Variants in IGF2BP2 observed in about 807,000 individuals in gnomAD.
The protein encoded by IGF2BP2 is insulin like growth factor 2 mRNA binding protein 2.
IGF2BP2 carries 17 observed loss-of-function variants against 75.8 expected under a neutral mutation model. The ratio of observed to expected loss-of-function variants is 0.22; its 90% confidence interval spans 0.15 to 0.34. The LOEUF (loss-of-function observed/expected upper bound fraction) is 0.34, where lower values mean the gene tolerates loss of function less well. Ranked by LOEUF, IGF2BP2 falls within the 10% of genes least tolerant of loss-of-function variation. The probability of loss-of-function intolerance (pLI) is 1.00; values close to 1 mark genes in which losing one functional copy is unlikely to be tolerated. For synonymous variants in IGF2BP2, 288 were observed against 295.6 expected (o/e 0.97, Z 0.26); for missense variants, 516 against 772.4 (o/e 0.67, Z 3.93).
intron 2 of IGF2BP2, among the ~76,000 whole-genome samples, chr3:185,705,884 G>T (rs1474471978): frequency 6.6e-6 from 1 of 152,132 alleles, no homozygotes; most frequent in Non-Finnish European, 1.5e-5. Flanking sequence ...CACCACCTTG[G>T]GGGTAAGGAT....
chr3:185,687,465 C>A (rs1308984426), intron 6 of IGF2BP2, among the ~76,000 whole-genome samples: 1 of 152,162 alleles, frequency 6.6e-6, no homozygotes, highest in African/African-American at 2.4e-5. Context: ...AGTAATGAAG[C>A]CAGTTTGGTA....
At chr3:185,775,541 G>A (rs553895119) in intron 2 of IGF2BP2, among the ~76,000 whole-genome samples, 2 of 152,322 alleles carry the variant, frequency 1.3e-5, no homozygotes, top group African/African-American at 2.4e-5. Flanking sequence ...TCCAAGGAAG[G>A]AGAATGATCC....
chr3:185,811,617 G>A (rs1045188710), intron 2 of IGF2BP2, among the ~76,000 whole-genome samples: 2 of 152,124 alleles, frequency 1.3e-5, no homozygotes, highest in Non-Finnish European at 2.9e-5. Flanking sequence ...GCAGCAGTTG[G>A]CTGGAGCTAA....
intron 1 of IGF2BP2, among the ~76,000 whole-genome samples, chr3:185,823,530 G>C (rs1047159945): frequency 1.3e-5 from 2 of 152,174 alleles, no homozygotes; most frequent in Non-Finnish European, 2.9e-5. Flanking sequence ...TCAAGCTGCA[G>C]GGCTGGCGCG....
intron 10 of IGF2BP2, among the ~76,000 whole-genome samples, chr3:185,665,025 C>T (rs896756993): frequency 2.0e-5 from 3 of 151,620 alleles, no homozygotes; most frequent in East Asian, 1.9e-4. Context: ...AACAGACAGG[C>T]GTGTTGGTGT....
intron 2 of IGF2BP2, among the ~76,000 whole-genome samples, chr3:185,774,359 G>T (rs1046847571): frequency 6.6e-6 from 1 of 151,968 alleles, no homozygotes; most frequent in African/African-American, 2.4e-5. Flanking sequence ...ACTTTGGGAG[G>T]CCGAGGTGGG....
chr3:185,789,774 C>T (rs1201325549), intron 2 of IGF2BP2, among the ~76,000 whole-genome samples: 1 of 142,908 alleles, frequency 7.0e-6, no homozygotes, highest in African/African-American at 2.6e-5. Flanking sequence ...CACTTTGTCA[C>T]CCAGGCTGTA....
At chr3:185,818,664 G>C (rs960345432) in intron 2 of IGF2BP2, among the ~76,000 whole-genome samples, 1 of 152,126 alleles carries the variant, frequency 6.6e-6, no homozygotes, top group African/African-American at 2.4e-5. Context: ...CTGACCAATT[G>C]CTCATCTACT....
rs2149335695 is a variant in IGF2BP2, at chr3:185,692,764, TA to T, written c.341-3del. The T allele has an allele frequency of 6.2e-7, 1 of 1,613,878 alleles. No individual in the cohort carries two copies. The highest frequency in any genetic ancestry group is 1.1e-5 in the South Asian group (1 of 91,008). ...CGGCGGTTTCTGTGTCTGTGTTGAC[TA>T]GGGAAAAGGCAAAAACTACACTGTC... On this transcript the variant is annotated splice_polypyrimidine_tract_variant and splice_region_variant and intron_variant, in intron 4 of 15. Coordinates refer to ENST00000382199, the MANE Select transcript of IGF2BP2 (RefSeq NM_006548.6).
At chr3:185,785,416 T>TA (rs775451060) in intron 2 of IGF2BP2, among the ~76,000 whole-genome samples, 12,505 of 143,620 alleles carry the variant, frequency 0.087, 618 homozygotes, top group Middle Eastern at 0.18. Context: ...TAACGAGTGT[T>TA]AAAAAAAAAA....
chr3:185,662,010 G>T (rs1196927757), intron 10 of IGF2BP2, among the ~76,000 whole-genome samples: 1 of 152,170 alleles, frequency 6.6e-6, no homozygotes, highest in Admixed American at 6.5e-5. Flanking sequence ...GAATGTGAAT[G>T]AGGGTTAGCA....
chr3:185,710,152 AT>A (rs567527407), intron 2 of IGF2BP2, among the ~76,000 whole-genome samples: 1,675 of 117,528 alleles, frequency 0.014, 8 homozygotes, highest in East Asian at 0.018. Flanking sequence ...GTAGTTTTAG[AT>A]TTTTTTTTTT....
At chr3:185,750,411 C>T (rs1245529569) in intron 2 of IGF2BP2, among the ~76,000 whole-genome samples, 1 of 152,198 alleles carries the variant, frequency 6.6e-6, no homozygotes, top group Non-Finnish European at 1.5e-5. Flanking sequence ...AGCCTAGGAA[C>T]CATCTCGCCT....
intron 2 of IGF2BP2, among the ~76,000 whole-genome samples, chr3:185,762,090 T>G (rs1242621844): frequency 2.0e-5 from 3 of 151,998 alleles, no homozygotes; most frequent in Non-Finnish European, 4.4e-5. Flanking sequence ...TTTTAGCATG[T>G]GAAAAAGAGA....
chr3:185,811,149 G>C (rs989687533), intron 2 of IGF2BP2, among the ~76,000 whole-genome samples: 1 of 151,952 alleles, frequency 6.6e-6, no homozygotes, highest in African/African-American at 2.4e-5. Flanking sequence ...TAAAAATGTA[G>C]GGTACTTTAT....
chr3:185,675,490 AAAAT>A, intron 8 of IGF2BP2, 59 bp from the exon 9 acceptor site: 1 of 1,577,376 alleles, frequency 6.3e-7, no homozygotes, highest in South Asian at 1.2e-5. Flanking sequence ...AAATGCCCAA[AAAAT>A]AAAAAAATCA....
intron 2 of IGF2BP2, among the ~76,000 whole-genome samples, chr3:185,772,539 G>A (rs2149758327): frequency 6.6e-6 from 1 of 150,590 alleles, no homozygotes; most frequent in South Asian, 2.1e-4. Context: ...ATTACAATGG[G>A]ATAATCCCTA....
chr3:185,735,423 G>C (rs1421929980), intron 2 of IGF2BP2, among the ~76,000 whole-genome samples: 1 of 152,196 alleles, frequency 6.6e-6, no homozygotes, highest in South Asian at 2.1e-4. Flanking sequence ...TGGGATTACA[G>C]GCATGAGCCA....
intron 2 of IGF2BP2, among the ~76,000 whole-genome samples, chr3:185,727,147 G>A (rs1020030702): frequency 2.0e-5 from 3 of 151,506 alleles, no homozygotes; most frequent in Non-Finnish European, 2.9e-5. Flanking sequence ...GAACCTGGGA[G>A]GCAGAGGTTG....
Sources: gnomAD v4.1 joint callset for allele counts (sites outside exome capture counted in the v4.1 genomes callset) on GRCh38, gnomAD v4.1.1 for gene constraint, MANE v1.5 for transcripts, NCBI Gene and HGNC (gene_info 2026-07-23, HGNC 2026-07-21) for gene names.